BABAM2: variants seen among roughly 807,000 people sequenced by gnomAD.
BABAM2 encodes the protein BRISC and BRCA1-A complex member 2.
BABAM2 carries 31 observed loss-of-function variants against 54.7 expected under a neutral mutation model. The observed-to-expected ratio is 0.57, with a 90% CI of 0.43 to 0.77. The LOEUF is 0.77. BABAM2 is among the 30% of genes least tolerant of loss of function. BABAM2 has a pLI of 0.00. For synonymous variants in BABAM2, 167 were observed against 162.9 expected, an observed-to-expected ratio of 1.03 and a Z score of -0.19; for missense variants, 364 against 455.8, an observed-to-expected ratio of 0.80 and a Z score of 1.83.
intron 6 of BABAM2, among the ~76,000 whole-genome samples, chr2:28,100,852 G>A (rs1003962358): frequency 1.3e-5 from 2 of 152,214 alleles, no homozygotes; most frequent in African/African-American, 4.8e-5. Context: ...GGAGCGAGTA[G>A]GTTCTAAGGG....
At chr2:27,948,483 T>C (rs1221769954) in intron 3 of BABAM2, among the ~76,000 whole-genome samples, 1 of 152,130 alleles carries the variant, frequency 6.6e-6, no homozygotes, top group Non-Finnish European at 1.5e-5. Context: ...GGTAGAAAAG[T>C]GTTAAGGCTG....
intron 6 of BABAM2, among the ~76,000 whole-genome samples, chr2:28,073,547 T>A (rs1664366895): frequency 6.6e-6 from 1 of 152,168 alleles, no homozygotes; most frequent in South Asian, 2.1e-4. Context: ...TATAAATACG[T>A]GTTCATTGTA....
chr2:28,022,280 A>G (rs1047711680), intron 4 of BABAM2, among the ~76,000 whole-genome samples: 3 of 152,254 alleles, frequency 2.0e-5, no homozygotes, highest in African/African-American at 7.2e-5. Flanking sequence ...CAAAGAGGCA[A>G]GTGCCAGTTC....
intron 3 of BABAM2, among the ~76,000 whole-genome samples, chr2:27,950,058 A>G (rs535050444): frequency 2.0e-4 from 31 of 152,298 alleles, no homozygotes; most frequent in Admixed American, 7.2e-4. Flanking sequence ...GAAGTTCTAG[A>G]TTCACTCCTA....
chr2:28,281,977 T>A (rs531831836), intron 10 of BABAM2, among the ~76,000 whole-genome samples: 2 of 152,190 alleles, frequency 1.3e-5, no homozygotes, highest in African/African-American at 4.8e-5. Flanking sequence ...GATGAGACTT[T>A]CTGAAAAGGA....
At chr2:27,951,970 G>C (rs1371002412) in intron 3 of BABAM2, among the ~76,000 whole-genome samples, 1 of 152,200 alleles carries the variant, frequency 6.6e-6, no homozygotes, top group African/African-American at 2.4e-5. Flanking sequence ...ATTATTGGAA[G>C]AAGGATATGG....
intron 10 of BABAM2, among the ~76,000 whole-genome samples, chr2:28,264,371 A>G (rs1431411512): frequency 6.6e-6 from 1 of 152,232 alleles, no homozygotes; most frequent in Non-Finnish European, 1.5e-5. Flanking sequence ...TCTTTGGCTA[A>G]GCTAATATTT....
At chr2:28,034,534 A>T (rs1345972224) in intron 5 of BABAM2, among the ~76,000 whole-genome samples, 1 of 152,192 alleles carries the variant, frequency 6.6e-6, no homozygotes, top group Non-Finnish European at 1.5e-5. Context: ...GCTGTTAATC[A>T]TAAAGTTACC....
chr2:28,141,774 A>G (rs1237381269), intron 7 of BABAM2, among the ~76,000 whole-genome samples: 4 of 152,198 alleles, frequency 2.6e-5, no homozygotes, highest in African/African-American at 9.6e-5. Context: ...TTCCATCTAG[A>G]CAATGATCAA....
At chr2:28,071,681 C>A (rs1046979904) in intron 6 of BABAM2, among the ~76,000 whole-genome samples, 7 of 152,146 alleles carry the variant, frequency 4.6e-5, no homozygotes. Flanking sequence ...GGTTATCCAG[C>A]GTTACAGTTC....
intron 11 of BABAM2, among the ~76,000 whole-genome samples, chr2:28,330,267 C>A (rs1353076935): frequency 6.6e-6 from 1 of 152,154 alleles, no homozygotes; most frequent in Non-Finnish European, 1.5e-5. Flanking sequence ...CCTTGAAAAC[C>A]AGCACAAGAC....
intron 1 of BABAM2, among the ~76,000 whole-genome samples, chr2:27,891,286 C>A (rs1356836996): frequency 6.6e-6 from 1 of 152,180 alleles, no homozygotes; most frequent in Non-Finnish European, 1.5e-5. Context: ...CAGCAGGATG[C>A]CACCCCTTTC....
chr2:28,068,377 C>T (rs995733984), intron 6 of BABAM2, among the ~76,000 whole-genome samples: 1 of 152,202 alleles, frequency 6.6e-6, no homozygotes. Context: ...CCTCCCTTGG[C>T]TGCTGCAGAC....
intron 10 of BABAM2, among the ~76,000 whole-genome samples, chr2:28,258,615 C>CTTTTTTTTTTTTTTTTTTTTTTT (rs70956008): frequency 2.0e-5 from 2 of 100,044 alleles, no homozygotes; most frequent in Non-Finnish European, 3.8e-5. Flanking sequence ...TTTTTCTTTT[C>CTTTTTTTTTTTTTTTTTTTTTTT]TTTTTTTTTT....
chr2:28,331,075 G>T (rs908460713), intron 11 of BABAM2, among the ~76,000 whole-genome samples: 2 of 152,250 alleles, frequency 1.3e-5, no homozygotes, highest in Non-Finnish European at 2.9e-5. Flanking sequence ...GTGGGGAAAG[G>T]ATTCCCTATT....
At chr2:28,315,780 G>C in intron 11 of BABAM2, among the ~76,000 whole-genome samples, 1 of 151,652 alleles carries the variant, frequency 6.6e-6, no homozygotes, top group East Asian at 1.9e-4. Context: ...GGCATAAGCC[G>C]CCTCACCCAG....
intron 6 of BABAM2, among the ~76,000 whole-genome samples, chr2:28,061,062 C>T (rs1284218342): frequency 6.6e-6 from 1 of 152,136 alleles, no homozygotes; most frequent in Non-Finnish European, 1.5e-5. Flanking sequence ...GACTCACATT[C>T]CCTGATTTCA....
intron 11 of BABAM2, among the ~76,000 whole-genome samples, chr2:28,323,390 C>G (rs912270786): frequency 6.6e-6 from 1 of 152,062 alleles, no homozygotes; most frequent in Admixed American, 6.6e-5. Context: ...ACCCCTCTAG[C>G]TAAGCGCTGG....
At chr2:28,149,645 A>C (rs1671831162) in intron 7 of BABAM2, among the ~76,000 whole-genome samples, 1 of 151,860 alleles carries the variant, frequency 6.6e-6, no homozygotes, top group Admixed American at 6.6e-5. Context: ...CCACCGTATC[A>C]CTCCACACGC....
Sources: allele counts gnomAD v4.1 joint callset (sites outside exome capture counted in the v4.1 genomes callset), GRCh38; gene constraint gnomAD v4.1.1; transcripts MANE v1.5; gene names NCBI Gene and HGNC (gene_info 2026-07-23, HGNC 2026-07-21).